The following PGK1 variants were observed in gnomAD, a reference collection of about 807,000 sequenced individuals.
PGK1 encodes the protein PRP 2.
A neutral mutation model predicts 26.9 loss-of-function variants in PGK1; 3 were observed. The ratio of observed to expected loss-of-function variants is 0.11; its 90% confidence interval spans 0.05 to 0.29. PGK1 has a LOEUF of 0.29. Ranked by LOEUF, PGK1 falls within the 10% of genes least tolerant of loss-of-function variation. The pLI, the probability that PGK1 is intolerant of heterozygous loss-of-function variation, is 1.00. For synonymous variants in PGK1, 125 were observed against 115.3 expected (o/e 1.08, Z -0.54); for missense variants, 270 against 314.7 (o/e 0.86, Z 1.07).
intron 8 of PGK1, 59 bp from the exon 9 acceptor site, chrX:78,124,815 G>A (rs1385284304): frequency 2.0e-6 from 2 of 987,595 alleles, no homozygotes; most frequent in African/African-American, 3.8e-5. Flanking sequence ...TCTTGGTGGA[G>A]GTGGTGTTTA....
At chrX:78,112,465 G>A (rs1310963634) in intron 2 of PGK1, among the ~76,000 whole-genome samples, 1 of 111,917 alleles carries the variant, frequency 8.9e-6, no homozygotes, top group Non-Finnish European at 1.9e-5. Flanking sequence ...ATGTTTAAAG[G>A]GAGTTAATTT....
intron 1 of PGK1, among the ~76,000 whole-genome samples, chrX:78,107,846 A>T (rs1192795590): frequency 9.0e-6 from 1 of 111,150 alleles, no homozygotes; most frequent in African/African-American, 3.3e-5. Flanking sequence ...GCAGTATTTG[A>T]GTAATCAGTT....
intron 6 of PGK1, among the ~76,000 whole-genome samples, chrX:78,119,307 G>C (rs2078342211): frequency 8.9e-6 from 1 of 111,920 alleles, no homozygotes; most frequent in South Asian, 3.7e-4. Context: ...TTTTCCAATG[G>C]GTTAGTTAAA....
chrX:78,108,743 A>G (rs1185532772), intron 1 of PGK1, among the ~76,000 whole-genome samples: 1 of 112,372 alleles, frequency 8.9e-6, no homozygotes, highest in African/African-American at 3.2e-5. Flanking sequence ...ACTTCACTGT[A>G]GTCCCTTTGC....
intron 1 of PGK1, among the ~76,000 whole-genome samples, chrX:78,109,224 G>C (rs1196153609): frequency 1.8e-5 from 2 of 111,737 alleles, no homozygotes; most frequent in African/African-American, 6.5e-5. Context: ...TTTGAAAGAG[G>C]CTGTCTTATG....
chrX:78,107,090 TAG>T (rs1287393252), intron 1 of PGK1, among the ~76,000 whole-genome samples: 24 of 111,587 alleles, frequency 2.2e-4, no homozygotes, highest in African/African-American at 7.5e-4. Flanking sequence ...TTTCAGGTGA[TAG>T]AGACTTGATA....
rs1557248258 is a variant in PGK1, at chrX:78,123,372, A to C, written c.934A>C (p.Met312Leu). The stretch of plus-strand genomic sequence containing the variant: ...GGCTTCTGGCATACCTGCTGGCTGG[A>C]TGGTGAGTCACTTGAGTGGGTTGGT... ...TVASGIPAGW[M>L]GLDCGPESSK... Residue 312 changes from methionine to leucine, a missense_variant and splice_region_variant, in exon 8 of 11, where the codon ATG becomes CTG. Met to Leu is a conservative substitution (Grantham distance 15). Transcript: ENST00000373316. 5 of 1,201,430 alleles carry C rather than the reference A, an allele frequency of 4.2e-6. No homozygotes were observed. The highest frequency in any genetic ancestry group is 5.6e-6 in the Non-Finnish European group (5 of 886,533).
chrX:78,108,570 G>C (rs1346587422), intron 1 of PGK1, among the ~76,000 whole-genome samples: 1 of 112,114 alleles, frequency 8.9e-6, no homozygotes, highest in Non-Finnish European at 1.9e-5. Flanking sequence ...GAGGTAGATT[G>C]GAGTTCAGGC....
chrX:78,105,718 G>A (rs2268537), intron 1 of PGK1, among the ~76,000 whole-genome samples: 30,362 of 110,797 alleles, frequency 0.27, 3,221 homozygotes, highest in East Asian at 0.38. Flanking sequence ...CTGCCCTGCT[G>A]TGGAGATAGA....
At position 78,124,930 on chromosome X, in the gene PGK1, T is replaced by C; in HGVS notation, c.993T>C (p.Ala331=). 8 of 1,209,721 alleles carry C rather than the reference T, an allele frequency of 6.6e-6. No individual in the cohort carries two copies. Among genetic ancestry groups the C allele is most frequent in the Non-Finnish European group, 8.9e-6 (8 of 894,296 alleles). ...AGTATGCTGAGGCTGTCACTCGGGC[T>C]AAGCAGATTGTGTGGAATGGTCCTG... ...SKKYAEAVTR[A]KQIVWNGPVG... is the part of the protein sequence containing the mutation. The change falls in exon 9 of 11, where the codon GCT becomes GCC. Residue 331 remains alanine, a synonymous_variant. Coordinates refer to ENST00000373316, the MANE Select transcript of PGK1 (RefSeq NM_000291.4).
chrX:78,126,531 C>T lies in PGK1; in HGVS notation c.*701C>T, dbSNP rs782535482. 1.8e-5 allele frequency: 2 copies of T among 112,118 alleles called. No individual in the cohort carries two copies. Among genetic ancestry groups the T allele is most frequent in the African/African-American group, 6.5e-5 (2 of 30,853 alleles). The allele number at this position is 112,118 out of a possible 1,213,427, so 9.2% of individuals were successfully genotyped here. A position where few individuals can be genotyped will look rare whatever the true frequency, so the allele number is the denominator to read the frequency against. On this transcript the variant is annotated 3_prime_UTR_variant, in exon 11 of 11. Coordinates refer to ENST00000373316, the MANE Select transcript of PGK1 (RefSeq NM_000291.4). Reference sequence around the variant, plus strand: ...GTCAAGGCTTATAACAAAAAAGCCCCAGCCCATTCCTCCCATTCAAGATTC... The same window carrying T: ...GTCAAGGCTTATAACAAAAAAGCCCTAGCCCATTCCTCCCATTCAAGATTC...
rs1557247109 is a variant in PGK1 at position 78,113,783 on chromosome X, C to T, written c.156C>T (p.Asp52=). 2 of 1,208,391 alleles carry T rather than the reference C, an allele frequency of 1.7e-6. No individual in the cohort carries two copies. Among genetic ancestry groups the T allele is most frequent in the Non-Finnish European group, 2.2e-6 (2 of 892,660 alleles). The change falls in exon 3 of 11, where the codon GAC becomes GAT. Residue 52 remains aspartate (D), a synonymous_variant. Coordinates refer to ENST00000373316, the MANE Select transcript of PGK1 (RefSeq NM_000291.4). The part of the protein sequence containing the change: ...AAVPSIKFCL[D]NGAKSVVLMS... ...TCCCAAGCATCAAATTCTGCTTGGACAATGGAGCCAAGTCGGTAGTCCTTA... is the reference window on the plus strand; with the variant it reads ...TCCCAAGCATCAAATTCTGCTTGGATAATGGAGCCAAGTCGGTAGTCCTTA...
rs1355958158 is a variant in PGK1 at position 78,128,918 on chromosome X, GC to G, written c.*3090del. Reference sequence around the variant, plus strand: ...AAGGCTATTTAATATACATTAAGAGGCCGGGCGCAGTGGCTCACGCCTGTAA... The same window carrying G: ...AAGGCTATTTAATATACATTAAGAGGCGGGCGCAGTGGCTCACGCCTGTAA... On this transcript the variant is annotated 3_prime_UTR_variant, in exon 11 of 11. Coordinates refer to ENST00000373316, the MANE Select transcript of PGK1 (RefSeq NM_000291.4). 8.9e-6 allele frequency: 1 copy of G among 112,032 alleles called. No individual in the cohort carries two copies. The highest frequency in any genetic ancestry group is 1.9e-5 in the Non-Finnish European group (1 of 53,250). 9.2% of individuals were successfully genotyped at this position (112,032 alleles called of 1,213,427 possible).
intron 2 of PGK1, among the ~76,000 whole-genome samples, chrX:78,110,810 A>G (rs1489531596): frequency 9.0e-6 from 1 of 110,731 alleles, no homozygotes. Context: ...CAAACAGGAA[A>G]GACTTCAGAA....
At chrX:78,120,505 T>C (rs35437374) in intron 6 of PGK1, among the ~76,000 whole-genome samples, 85 of 110,159 alleles carry the variant, frequency 7.7e-4, no homozygotes, top group African/African-American at 2.7e-3. Context: ...ATAGATTTTT[T>C]TTTTTCTGAT....
chrX:78,126,917 G>A lies in PGK1; in HGVS notation c.*1087G>A, dbSNP rs1200624374. The A allele has an allele frequency of 8.9e-6, 1 of 112,604 alleles. No homozygotes were observed. The highest frequency in any genetic ancestry group is 1.9e-5 in the Non-Finnish European group (1 of 53,329). 9.3% of individuals were successfully genotyped at this position (112,604 alleles called of 1,213,427 possible). ...ATTCCCAAATCTTCTAGAAGCATAA[G>A]TGTCTCAATATATTAAAACATATTG... On this transcript the variant is annotated 3_prime_UTR_variant, in exon 11 of 11. Transcript: ENST00000373316.
intron 9 of PGK1, 74 bp downstream of exon 9, chrX:78,125,125 A>C (rs2078376108): frequency 5.4e-6 from 5 of 927,383 alleles, no homozygotes; most frequent in Non-Finnish European, 7.8e-6. Flanking sequence ...GGAATGGAGA[A>C]CTTCTTCTAT....
At chrX:78,108,214 G>T (rs1283582225) in intron 1 of PGK1, among the ~76,000 whole-genome samples, 1 of 112,130 alleles carries the variant, frequency 8.9e-6, no homozygotes, top group Non-Finnish European at 1.9e-5. Flanking sequence ...TCTGTCCAAA[G>T]ATATTCCTCC....
Position 78,128,975 on chromosome X carries a change from G to A in PGK1, c.*3145G>A, listed in dbSNP as rs2078395203. ...ACAACACTTTGGGAGGCCCAGGCAG[G>A]CGGGTCATGAGGTCAGGAGATTGAG... is the stretch of plus-strand genomic sequence containing the variant. On this transcript the variant is annotated 3_prime_UTR_variant, in exon 11 of 11. Transcript: ENST00000373316. 9.0e-6 allele frequency: 1 copy of A among 110,525 alleles called. No homozygotes were observed. Among genetic ancestry groups the A allele is most frequent in the Non-Finnish European group, 1.9e-5 (1 of 53,013 alleles). 9.1% of individuals were successfully genotyped at this position (110,525 alleles called of 1,213,427 possible).
Sources: allele counts gnomAD v4.1 joint callset (sites outside exome capture counted in the v4.1 genomes callset), GRCh38; gene constraint gnomAD v4.1.1; transcripts MANE v1.5; gene names NCBI Gene and HGNC (gene_info 2026-07-23, HGNC 2026-07-21).